The following GALNT9 variants were observed in gnomAD, a reference collection of about 807,000 sequenced individuals.
GALNT9 encodes the protein GalNAc transferase 9.
In GALNT9, 47 loss-of-function variants were observed where a neutral mutation model predicts 63.1. The ratio of observed to expected loss-of-function variants is 0.75; its 90% CI spans 0.59 to 0.95. GALNT9 has a LOEUF of 0.95. Among genes scored for constraint, GALNT9 ranks in the 40% least tolerant of loss-of-function variants. The probability of loss-of-function intolerance (pLI) is 0.00; values close to 1 mark genes in which losing one functional copy is unlikely to be tolerated. For synonymous variants in GALNT9, 396 were observed against 365.7 expected, an observed-to-expected ratio of 1.08 and a Z score of -0.94; for missense variants, 829 against 874.8, an observed-to-expected ratio of 0.95 and a Z score of 0.66.
chr12:132,257,562 TC>T, intron 5 of GALNT9, 126 bp downstream of exon 5: 1 of 310,836 alleles, frequency 3.2e-6, no homozygotes, highest in African/African-American at 3.1e-5. Context: ...CACGCCCTCG[TC>T]CCCACGCCCT....
chr12:132,328,820 G>C (rs1418233116), intron 1 of GALNT9, 146 bp downstream of exon 1: 4 of 1,018,060 alleles, frequency 3.9e-6, no homozygotes, highest in Non-Finnish European at 4.0e-6. Context: ...GGGCTTCCGC[G>C]GCCCTTCCCT....
At chr12:132,301,170 C>A (rs913880200) in intron 1 of GALNT9, among the ~76,000 whole-genome samples, 2 of 152,258 alleles carry the variant, frequency 1.3e-5, no homozygotes, top group Non-Finnish European at 2.9e-5. Flanking sequence ...CACAGTGCTC[C>A]GAACTGCAAA....
In GALNT9 at chr12:132,203,421, G is replaced by T. The variant is rs551977887; in HGVS notation, c.1263+84C>A. 4.5e-6 allele frequency: 6 copies of T among 1,337,792 alleles called. No individual in the cohort carries two copies. The East Asian group carries it at 1.2e-4, about 27-fold the overall frequency. 82.9% of individuals were successfully genotyped at this position (1,337,792 alleles called of 1,614,324 possible). Reference sequence around the variant, plus strand: ...ACTCACACCTGCAGGGGGCCCTAGGGGGCCTCCCTCCGGCCCAGCCCTGCC... The same window carrying T: ...ACTCACACCTGCAGGGGGCCCTAGGTGGCCTCCCTCCGGCCCAGCCCTGCC... On this transcript the variant is annotated intron_variant, in intron 7 of 10. Coordinates refer to ENST00000328957, the MANE Select transcript of GALNT9 (RefSeq NM_001122636.2).
At chr12:132,214,545 C>G (rs1006570643) in intron 6 of GALNT9, among the ~76,000 whole-genome samples, 2 of 152,220 alleles carry the variant, frequency 1.3e-5, no homozygotes, top group African/African-American at 4.8e-5. Context: ...GGCTACCATC[C>G]TCCCACCCAA....
At chr12:132,212,885 C>G (rs1593066779) in intron 6 of GALNT9, among the ~76,000 whole-genome samples, 4 of 97,418 alleles carry the variant, frequency 4.1e-5, no homozygotes, top group African/African-American at 8.2e-5. Flanking sequence ...GACCTCGACA[C>G]GGAAACCCCA....
Position 132,204,496 on chromosome 12 carries a change from T to C in GALNT9, c.1078-806A>G, listed in dbSNP as rs1593466737. Among the ~76,000 whole-genome samples the C allele has an allele frequency of 3.3e-5, 5 of 151,800 alleles. No individual in the cohort carries two copies. In the Middle Eastern group the frequency reaches 0.01, roughly 310 times the overall value. ...AGGACAGAAAGGCCGAGGCAGGGAG[T>C]GTTCACACACTCTGCTCGATTCGGG... On this transcript the variant is annotated intron_variant, in intron 6 of 10. Transcript: ENST00000328957.
At chr12:132,270,818 G>A (rs1879837037) in intron 2 of GALNT9, among the ~76,000 whole-genome samples, 1 of 152,174 alleles carries the variant, frequency 6.6e-6, no homozygotes, top group African/African-American at 2.4e-5. Context: ...TATCAGGGAG[G>A]AAGAGCGGGA....
intron 1 of GALNT9, among the ~76,000 whole-genome samples, chr12:132,326,866 G>A (rs1555246553): frequency 6.6e-6 from 1 of 152,222 alleles, no homozygotes; most frequent in Non-Finnish European, 1.5e-5. Flanking sequence ...AGCGGGTAAT[G>A]CTGTTTCAAA....
intron 6 of GALNT9, among the ~76,000 whole-genome samples, chr12:132,223,245 C>T (rs1400487323): frequency 9.0e-6 from 1 of 110,948 alleles, no homozygotes; most frequent in Non-Finnish European, 1.9e-5. Flanking sequence ...CAACCCACAC[C>T]CCACATACAC....
chr12:132,287,031 C>T (rs531951170), intron 1 of GALNT9, among the ~76,000 whole-genome samples: 7 of 144,222 alleles, frequency 4.9e-5, no homozygotes, highest in South Asian at 2.2e-4. Flanking sequence ...ATTGTCCAAA[C>T]GCACAGCAGG....
At chr12:132,257,984 G>A (rs1236433250) in intron 4 of GALNT9, 98 bp from the exon 5 acceptor site, 13 of 804,290 alleles carry the variant, frequency 1.6e-5, no homozygotes, top group Admixed American at 2.3e-5. Context: ...GTCCCCACCT[G>A]GTCTGCATCT....
chr12:132,299,616 C>G (rs544750084), intron 1 of GALNT9, among the ~76,000 whole-genome samples: 1 of 134,334 alleles, frequency 7.4e-6, no homozygotes, highest in Non-Finnish European at 1.6e-5. Flanking sequence ...CTAACCCATC[C>G]CTGAGATGAC....
At chr12:132,202,976 G>A (rs1876291157) in intron 7 of GALNT9, among the ~76,000 whole-genome samples, 1 of 152,136 alleles carries the variant, frequency 6.6e-6, no homozygotes, top group African/African-American at 2.4e-5. Context: ...ACGGACGAGT[G>A]GATCCACACG....
chr12:132,200,158 G>A (rs566689737), intron 8 of GALNT9, among the ~76,000 whole-genome samples: 2 of 152,342 alleles, frequency 1.3e-5, no homozygotes, highest in South Asian at 2.1e-4. Context: ...AGCGCAGGGT[G>A]GACCAGGAGC....
intron 4 of GALNT9, 34 bp from the exon 5 acceptor site, chr12:132,257,920 C>T (rs989024116): frequency 9.8e-5 from 137 of 1,398,460 alleles, no homozygotes; most frequent in Non-Finnish European, 1.3e-4. Context: ...GGGGCGGCCC[C>T]AGCCCACCGC....
At chr12:132,222,324 C>A (rs1197901398) in intron 6 of GALNT9, among the ~76,000 whole-genome samples, 1 of 152,012 alleles carries the variant, frequency 6.6e-6, no homozygotes, top group Non-Finnish European at 1.5e-5. Context: ...AAGACTGTGG[C>A]CCCAGCACTT....
chr12:132,207,267 G>C (rs576172043), intron 6 of GALNT9, among the ~76,000 whole-genome samples: 4 of 152,140 alleles, frequency 2.6e-5, no homozygotes, highest in Admixed American at 2.0e-4. Context: ...CGCAGGACAG[G>C]GTTTCTGTCG....
Position 132,329,057 on chromosome 12 carries a change from G to A in GALNT9, c.147C>T (p.Ser49=). Residue 49 remains serine (S), a synonymous_variant, in exon 1 of 11, where the codon AGC becomes AGT. Transcript: ENST00000328957. ...RIVSGDRRVR[S]RHAKVGTLGD... is the part of the protein sequence containing the mutation. ...CCAGCGTGCCCACCTTGGCGTGTCGGCTGCGCACCCGGCGGTCGCCGCTCA... is the reference window on the plus strand; with the variant it reads ...CCAGCGTGCCCACCTTGGCGTGTCGACTGCGCACCCGGCGGTCGCCGCTCA... 6.5e-7 allele frequency: 1 copy of A among 1,546,914 alleles called. No homozygotes were observed. The highest frequency in any genetic ancestry group is 8.7e-7 in the Non-Finnish European group (1 of 1,146,332).
intron 6 of GALNT9, among the ~76,000 whole-genome samples, chr12:132,219,836 G>T (rs1282876987): frequency 6.7e-6 from 1 of 149,756 alleles, no homozygotes; most frequent in South Asian, 2.1e-4. Context: ...AGGGGAAGGG[G>T]CACCTCCCCA....
Sources: gnomAD v4.1 joint callset for allele counts (sites outside exome capture counted in the v4.1 genomes callset) on GRCh38, gnomAD v4.1.1 for gene constraint, MANE v1.5 for transcripts, NCBI Gene and HGNC (gene_info 2026-07-23, HGNC 2026-07-21) for gene names.